The following GALNT16 variants were observed in gnomAD, a reference collection of about 807,000 sequenced individuals.
The protein encoded by GALNT16 is UDP-GalNAc:polypeptide N-acetylgalactosaminyltransferase-like protein 1.
Under a neutral mutation model 76.1 loss-of-function variants are expected in GALNT16, and 40 were observed. That is an observed-to-expected ratio of 0.53 (90% confidence interval 0.41 to 0.68). The LOEUF (loss-of-function observed/expected upper bound fraction) is 0.68. GALNT16 is among the 30% of genes least tolerant of loss of function. The pLI, the probability that GALNT16 is intolerant of heterozygous loss-of-function variation, is 0.00. For missense variants in GALNT16, 621 were observed against 731.9 expected (o/e 0.85, Z 1.75); for synonymous variants, 276 against 285.2 (o/e 0.97, Z 0.32).
chr14:69,380,553 T>C, the GALNT16 span: 337 of 1,549,886 alleles, frequency 2.2e-4, 4 homozygotes, highest in Admixed American at 5.2e-3. Context: ...TCCCAGCCTG[T>C]TGGGCCTGCC....
chr14:69,333,591 G>C lies in GALNT16; in HGVS notation c.958G>C (p.Glu320Gln). The change falls in exon 9 of 15, where the codon GAG becomes CAG. Residue 320 changes from glutamate (E) to glutamine (Q), a missense_variant. Coordinates refer to ENST00000448469, the MANE Select transcript of GALNT16 (RefSeq NM_001168368.2). This position sits in a 1 kb window ranked among gnomAD's most constrained non-coding sequence, Gnocchi z 4.2. ...TGCCCAGATGGACATCTGGGGGGGA[G>C]AGAATTTTGGTGAGTTGGGAAATAG... ...YDAQMDIWGGENFELSFRVWM... is the reference protein window; with the variant it reads ...YDAQMDIWGGQNFELSFRVWM... 6.5e-7 allele frequency: 1 copy of C among 1,543,080 alleles called. No homozygotes were observed. The highest frequency in any genetic ancestry group is 1.7e-4 in the Middle Eastern group (1 of 5,960).
At chr14:69,377,348 AATTTTT>A in the GALNT16 span, among the ~76,000 whole-genome samples, 22 of 152,148 alleles carry the variant, frequency 1.4e-4, no homozygotes, top group African/African-American at 3.9e-4. Context: ...AGGCAATCTA[AATTTTT>A]ATTTTTATTT....
chr14:69,379,857 C>T, the GALNT16 span, among the ~76,000 whole-genome samples: 5 of 152,126 alleles, frequency 3.3e-5, no homozygotes, highest in African/African-American at 9.7e-5. Context: ...GCTGCTGCTG[C>T]GGACAAGCTT....
intron 1 of GALNT16, among the ~76,000 whole-genome samples, chr14:69,297,161 G>C: frequency 6.6e-6 from 1 of 152,182 alleles, no homozygotes. Flanking sequence ...TTCCTAAAAA[G>C]GAATTGCTGG....
In GALNT16 at chr14:69,324,346, C is replaced by T. The variant is rs74059959; in HGVS notation, c.336-346C>T. Among the ~76,000 whole-genome samples, 1,265 of 152,222 alleles carry T rather than the reference C, an allele frequency of 8.3e-3. 15 individuals are homozygous for T. The highest frequency in any genetic ancestry group is 0.028 in the African/African-American group (1,180 of 41,524). Reference sequence around the variant, plus strand: ...CCTCTCGCACATACCCCCCACCATACGACAGAGTGTGGTCAGGGCTGTATC... The same window carrying T: ...CCTCTCGCACATACCCCCCACCATATGACAGAGTGTGGTCAGGGCTGTATC... On this transcript the variant is annotated intron_variant, in intron 2 of 14. Coordinates refer to ENST00000448469, the MANE Select transcript of GALNT16 (RefSeq NM_001168368.2).
At chr14:69,371,546 A>G in the GALNT16 span, among the ~76,000 whole-genome samples, 2 of 151,660 alleles carry the variant, frequency 1.3e-5, no homozygotes, top group South Asian at 2.1e-4. Flanking sequence ...GTTAGCCACC[A>G]CACCCGGCCT....
intron 1 of GALNT16, among the ~76,000 whole-genome samples, chr14:69,316,810 A>T (rs2045109410): frequency 6.6e-6 from 1 of 150,920 alleles, no homozygotes; most frequent in Non-Finnish European, 1.5e-5. Context: ...GTGATGTATC[A>T]CAGGGTCCCA....
At chr14:69,279,411 T>G (rs900964356) in intron 1 of GALNT16, among the ~76,000 whole-genome samples, 4 of 152,244 alleles carry the variant, frequency 2.6e-5, no homozygotes, top group Non-Finnish European at 4.4e-5. Context: ...TAGCACTACC[T>G]TTTAGAGTTG....
At chr14:69,288,998 C>T (rs1233890251) in intron 1 of GALNT16, among the ~76,000 whole-genome samples, 1 of 152,184 alleles carries the variant, frequency 6.6e-6, no homozygotes, top group African/African-American at 2.4e-5. Context: ...CTGCCTCAGC[C>T]TCCTGGGTAG....
intron 1 of GALNT16, among the ~76,000 whole-genome samples, chr14:69,266,999 TC>T (rs1413391589): frequency 6.6e-6 from 1 of 152,254 alleles, no homozygotes; most frequent in African/African-American, 2.4e-5. Context: ...CATAGGTGTT[TC>T]TGCCTGGTGG....
At chr14:69,295,103 G>T (rs554995806) in intron 1 of GALNT16, among the ~76,000 whole-genome samples, 26 of 152,148 alleles carry the variant, frequency 1.7e-4, no homozygotes, top group African/African-American at 6.0e-4. Context: ...ACCCCCACGG[G>T]CCCATCAACC....
chr14:69,347,000 G>C lies in GALNT16; in HGVS notation c.1272-40G>C, dbSNP rs200995023. ...TGGCAGAGGGTGTAGGTAAGCCTTG[G>C]GGGGGAAAGCACAAGCCTGACTGCT... On this transcript the variant is annotated intron_variant, in intron 12 of 14. Transcript: ENST00000448469. 139 of 1,613,274 alleles carry C rather than the reference G, an allele frequency of 8.6e-5. 1 individual carries two copies. The highest frequency in any genetic ancestry group is 6.0e-4 in the Admixed American group (36 of 59,992).
At chr14:69,297,334 A>G (rs1453830782) in intron 1 of GALNT16, among the ~76,000 whole-genome samples, 1 of 152,154 alleles carries the variant, frequency 6.6e-6, no homozygotes, top group Non-Finnish European at 1.5e-5. Flanking sequence ...ACTGTTACAT[A>G]ATAGTTCTGT....
chr14:69,294,092 G>A (rs1463484115), intron 1 of GALNT16, among the ~76,000 whole-genome samples: 2 of 151,970 alleles, frequency 1.3e-5, no homozygotes, highest in African/African-American at 2.4e-5. Context: ...GTTTCACCAC[G>A]TTGGCCAGGA....
chr14:69,266,707 G>C (rs972245105), intron 1 of GALNT16, among the ~76,000 whole-genome samples: 4 of 152,138 alleles, frequency 2.6e-5, no homozygotes, highest in Non-Finnish European at 5.9e-5. Flanking sequence ...CCCAACAGCA[G>C]CAGGAAAGGG....
chr14:69,339,743 C>G (rs2045463062), intron 11 of GALNT16, 124 bp downstream of exon 11: 1 of 613,024 alleles, frequency 1.6e-6, no homozygotes, highest in Non-Finnish European at 2.9e-6. Context: ...AGGTCCCACT[C>G]TAATGGGCTT....
intron 12 of GALNT16, among the ~76,000 whole-genome samples, chr14:69,345,249 G>C (rs1028740634): frequency 2.6e-5 from 4 of 152,224 alleles, no homozygotes; most frequent in African/African-American, 9.6e-5. Context: ...CCAGGGTCCA[G>C]ATTCAGCTTG....
chr14:69,312,216 A>T (rs141696223), intron 1 of GALNT16, among the ~76,000 whole-genome samples: 215 of 152,168 alleles, frequency 1.4e-3, no homozygotes, highest in Middle Eastern at 6.8e-3. Flanking sequence ...ATGCCACTGC[A>T]CTCTAGGCTG....
downstream of GALNT16, chr14:69,354,673 A>G (rs1463597527): frequency 6.6e-6 from 1 of 152,454 alleles, no homozygotes; most frequent in Non-Finnish European, 1.5e-5. Context: ...GGTGGGGGCC[A>G]ACAGGTGGCC....
Sources: allele counts gnomAD v4.1 joint callset (sites outside exome capture counted in the v4.1 genomes callset), GRCh38; gene constraint gnomAD v4.1.1; non-coding constraint Gnocchi (gnomAD v3.1); transcripts MANE v1.5; gene names NCBI Gene and HGNC (gene_info 2026-07-23, HGNC 2026-07-21).